The following TEX9 variants were observed in gnomAD, a reference collection of about 807,000 sequenced individuals.
The protein encoded by TEX9 is testis expressed 9.
TEX9 carries 74 observed loss-of-function variants against 59.6 expected under a neutral mutation model. The ratio of observed to expected loss-of-function variants is 1.24; its 90% CI spans 1.03 to 1.51. TEX9 has a LOEUF of 1.51. Among genes scored for constraint, TEX9 ranks in the 40% most tolerant of loss-of-function variants. The probability of loss-of-function intolerance (pLI) is 0.00; values close to 1 mark genes in which losing one functional copy is unlikely to be tolerated. For synonymous variants in TEX9, 186 were observed against 152.2 expected (o/e 1.22, Z -1.64); for missense variants, 522 against 447.8 (o/e 1.17, Z -1.49).
At chr15:56,310,778 C>G (rs1412452639) in intron 1 of TEX9, among the ~76,000 whole-genome samples, 19 of 152,312 alleles carry the variant, frequency 1.2e-4, no homozygotes, top group African/African-American at 3.8e-4. Flanking sequence ...GAGCACAGAA[C>G]AGAGGCAGCT....
At chr15:56,339,601 A>G (rs773884029) in intron 1 of TEX9, among the ~76,000 whole-genome samples, 2 of 152,102 alleles carry the variant, frequency 1.3e-5, no homozygotes, top group Non-Finnish European at 2.9e-5. Flanking sequence ...CACATTCAGC[A>G]GAGTAGCTGC....
intron 1 of TEX9, among the ~76,000 whole-genome samples, chr15:56,264,339 A>T (rs999949625): frequency 6.6e-6 from 1 of 152,186 alleles, no homozygotes; most frequent in Non-Finnish European, 1.5e-5. Flanking sequence ...CTAATGTAGA[A>T]CACCTTTTTA....
intron 1 of TEX9, among the ~76,000 whole-genome samples, chr15:56,337,747 T>A (rs1256636563): frequency 6.6e-6 from 1 of 152,202 alleles, no homozygotes; most frequent in Non-Finnish European, 1.5e-5. Flanking sequence ...CTGTAACTCA[T>A]AAACAAGCCA....
intron 2 of TEX9, among the ~76,000 whole-genome samples, chr15:56,370,630 T>C (rs1021550364): frequency 3.3e-5 from 5 of 152,230 alleles, no homozygotes; most frequent in Non-Finnish European, 7.3e-5. Context: ...TAATGAGCCA[T>C]CTGCTGTCAG....
At chr15:56,366,969 A>G (rs1191381742) in intron 2 of TEX9, among the ~76,000 whole-genome samples, 1 of 152,204 alleles carries the variant, frequency 6.6e-6, no homozygotes, top group Non-Finnish European at 1.5e-5. Context: ...ATAGTTCTTT[A>G]TCAGCTATGC....
chr15:56,391,554 G>A, intron 7 of TEX9, 136 bp downstream of exon 7: 1 of 543,750 alleles, frequency 1.8e-6, no homozygotes, highest in Admixed American at 4.1e-5. Context: ...CTAGTAGGAT[G>A]TGGTGGAGGG....
intron 1 of TEX9, among the ~76,000 whole-genome samples, chr15:56,331,257 A>G (rs2046134274): frequency 6.6e-6 from 1 of 152,192 alleles, no homozygotes; most frequent in Non-Finnish European, 1.5e-5. Context: ...CAGACAGAAA[A>G]TCAGCAAGGA....
chr15:56,366,937 CA>C (rs1343802801), intron 2 of TEX9, among the ~76,000 whole-genome samples: 1 of 152,178 alleles, frequency 6.6e-6, no homozygotes, highest in Non-Finnish European at 1.5e-5. Context: ...TGTACTTAAG[CA>C]AATTAATCTG....
chr15:56,405,468 G>A (rs1410705334), intron 9 of TEX9, among the ~76,000 whole-genome samples: 2 of 152,080 alleles, frequency 1.3e-5, no homozygotes, highest in African/African-American at 4.8e-5. Flanking sequence ...AAAATTAAAT[G>A]AACGTAAGTA....
At chr15:56,378,337 C>T (rs2047558843) in intron 3 of TEX9, among the ~76,000 whole-genome samples, 1 of 152,052 alleles carries the variant, frequency 6.6e-6, no homozygotes, top group African/African-American at 2.4e-5. Context: ...GCAGTGCAGC[C>T]ATCAGGTCCT....
At chr15:56,393,338 T>A (rs1344098913) in intron 7 of TEX9, among the ~76,000 whole-genome samples, 1 of 152,150 alleles carries the variant, frequency 6.6e-6, no homozygotes. Flanking sequence ...ATCAGCTCCA[T>A]GATAACACTG....
At chr15:56,339,905 G>A (rs574099579) in intron 1 of TEX9, among the ~76,000 whole-genome samples, 1 of 152,016 alleles carries the variant, frequency 6.6e-6, no homozygotes, top group Non-Finnish European at 1.5e-5. Context: ...GAATCTGCTG[G>A]CAGGCTCCTC....
rs141122218 is a variant in TEX9 at position 56,429,558 on chromosome 15, G to T, written c.*29+1085G>T. 3.4e-3 allele frequency: 534 copies of T among 156,322 alleles called. 3 individuals carry two copies. Among genetic ancestry groups the T allele is most frequent in the African/African-American group, 0.012 (506 of 41,632 alleles). The allele number at this position is 156,322 out of a possible 1,614,324, so 9.7% of individuals were successfully genotyped here. A position where few individuals can be genotyped will look rare whatever the true frequency, so the allele number is the denominator to read the frequency against. ...TAATATGATATAATGGTGAGCTTCA[G>T]TAGATTCATGCATGGGATTAGTTCT... On this transcript the variant is annotated intron_variant, in intron 12 of 12. Coordinates refer to ENST00000352903, the Ensembl canonical transcript of TEX9.
rs145246319 is a variant in TEX9, at chr15:56,316,972, G to A, written c.-106-56469G>A. Among the ~76,000 whole-genome samples the A allele has an allele frequency of 3.6e-3, 542 of 152,276 alleles. 3 individuals are homozygous for A. The highest frequency in any genetic ancestry group is 0.012 in the African/African-American group (504 of 41,556). On this transcript the variant is annotated intron_variant, in intron 1 of 5. Coordinates refer to the TEX9 transcript ENST00000560827. ...GAAAGGGAACTCCCTGACCCCTTGC[G>A]CTTCCCAAGTGAGGCAATGCCTCGC...
intron 1 of TEX9, among the ~76,000 whole-genome samples, chr15:56,335,603 T>A (rs1232025836): frequency 1.3e-5 from 2 of 152,206 alleles, no homozygotes; most frequent in Non-Finnish European, 1.5e-5. Flanking sequence ...AGGGTGATTA[T>A]AGTAAAAACT....
the TEX9 span, among the ~76,000 whole-genome samples, chr15:56,452,929 C>G: frequency 3.3e-5 from 5 of 152,168 alleles, no homozygotes; most frequent in African/African-American, 4.8e-5. Flanking sequence ...ACCAAACTTG[C>G]AAGGAGGACT....
At chr15:56,456,902 T>A in the TEX9 span, among the ~76,000 whole-genome samples, 1 of 152,186 alleles carries the variant, frequency 6.6e-6, no homozygotes, top group Non-Finnish European at 1.5e-5. Context: ...TAATTCAGTA[T>A]GAATATCTAC....
intron 1 of TEX9, among the ~76,000 whole-genome samples, chr15:56,261,525 C>T (rs2044266002): frequency 6.6e-6 from 1 of 152,038 alleles, no homozygotes; most frequent in Admixed American, 6.6e-5. Flanking sequence ...CGAGACCAGC[C>T]TGACCAACAT....
chr15:56,399,454 G>T (rs993442457), intron 9 of TEX9, among the ~76,000 whole-genome samples: 9 of 152,240 alleles, frequency 5.9e-5, no homozygotes, highest in Non-Finnish European at 8.8e-5. Context: ...CAAAGCGGCC[G>T]GGAAGCTTGG....
Sources: gnomAD v4.1 joint callset for allele counts (sites outside exome capture counted in the v4.1 genomes callset) on GRCh38, gnomAD v4.1.1 for gene constraint, MANE v1.5 for transcripts, NCBI Gene and HGNC (gene_info 2026-07-23, HGNC 2026-07-21) for gene names.